Variants in PTPRD observed in about 807,000 individuals in gnomAD.
PTPRD encodes receptor-type tyrosine-protein phosphatase delta.
Under a neutral mutation model 214.5 loss-of-function variants are expected in PTPRD, and 34 were observed. The ratio of observed to expected loss-of-function variants is 0.16; its 90% confidence interval spans 0.12 to 0.21. The LOEUF is 0.21. Among genes scored for constraint, PTPRD ranks in the 10% least tolerant of loss-of-function variants. The pLI, the probability that PTPRD is intolerant of heterozygous loss-of-function variation, is 1.00. For missense variants in PTPRD, 2,545 were observed against 2,398.7 expected (o/e 1.06, Z -1.27); for synonymous variants, 1,128 against 845.7 (o/e 1.33, Z -5.79).
chr9:9,392,594 G>T (rs1006969814), intron 9 of PTPRD, among the ~76,000 whole-genome samples: 1 of 152,044 alleles, frequency 6.6e-6, no homozygotes, highest in Non-Finnish European at 1.5e-5. Flanking sequence ...TGCTACCTTT[G>T]CTGTGACTCT....
intron 11 of PTPRD, among the ~76,000 whole-genome samples, chr9:8,951,523 A>G (rs1446343833): frequency 2.6e-5 from 4 of 151,944 alleles, no homozygotes; most frequent in Admixed American, 6.6e-5. Flanking sequence ...CTACTTTGTT[A>G]CCTAGTAGCT....
At chr9:9,383,433 A>C (rs1415994306) in intron 9 of PTPRD, among the ~76,000 whole-genome samples, 1 of 152,172 alleles carries the variant, frequency 6.6e-6, no homozygotes. Flanking sequence ...TGTGATTTAC[A>C]AAGTACTAAC....
At chr9:10,354,364 T>C (rs575637451) in intron 2 of PTPRD, among the ~76,000 whole-genome samples, 9 of 152,316 alleles carry the variant, frequency 5.9e-5, no homozygotes, top group South Asian at 2.1e-4. Flanking sequence ...TTTAGGATTT[T>C]CTAATTTCTG....
chr9:10,108,870 G>GTTT (rs373928700), intron 3 of PTPRD, among the ~76,000 whole-genome samples: 4 of 146,262 alleles, frequency 2.7e-5, no homozygotes, highest in Non-Finnish European at 4.5e-5. Flanking sequence ...CGTAAAGAGG[G>GTTT]TTTTTTTTTT....
chr9:9,679,656 T>C (rs189439196), intron 7 of PTPRD, among the ~76,000 whole-genome samples: 70 of 152,002 alleles, frequency 4.6e-4, no homozygotes, highest in African/African-American at 1.6e-3. Flanking sequence ...CAGGTCAAAG[T>C]AGCTGGGTGC....
chr9:8,430,892 A>T (rs2381797), intron 35 of PTPRD, among the ~76,000 whole-genome samples: 24,645 of 152,102 alleles, frequency 0.16, 2,338 homozygotes, highest in Non-Finnish European at 0.21. Flanking sequence ...AGCACTTAAG[A>T]TTACCTCCTT....
chr9:9,982,445 A>G (rs2154067697), intron 4 of PTPRD, among the ~76,000 whole-genome samples: 1 of 127,250 alleles, frequency 7.9e-6, no homozygotes, highest in East Asian at 2.5e-4. Context: ...GTGGGTACAT[A>G]GATACATATA....
intron 3 of PTPRD, among the ~76,000 whole-genome samples, chr9:10,211,475 A>G (rs920649418): frequency 6.6e-6 from 1 of 152,136 alleles, no homozygotes. Context: ...TGAAGCTGTG[A>G]GGCATAACAT....
At chr9:10,015,367 A>G (rs1370972664) in intron 4 of PTPRD, among the ~76,000 whole-genome samples, 1 of 152,032 alleles carries the variant, frequency 6.6e-6, no homozygotes, top group Non-Finnish European at 1.5e-5. Flanking sequence ...TGGCAGTAAG[A>G]CAAGATTATC....
At chr9:8,480,873 G>T (rs2096867132) in intron 30 of PTPRD, among the ~76,000 whole-genome samples, 1 of 152,138 alleles carries the variant, frequency 6.6e-6, no homozygotes, top group African/African-American at 2.4e-5. Context: ...GGGCGCCGTG[G>T]CTCACGCCTG....
chr9:10,479,662 C>CACATAAATACATAAATAAAT (rs1296695008), intron 2 of PTPRD, among the ~76,000 whole-genome samples: 8 of 52,596 alleles, frequency 1.5e-4, no homozygotes, highest in Admixed American at 1.1e-3. Flanking sequence ...AATAAATAAA[C>CACATAAATACATAAATAAAT]AAAAATACAA....
intron 2 of PTPRD, among the ~76,000 whole-genome samples, chr9:10,473,440 T>C (rs767757669): frequency 2.6e-5 from 4 of 152,104 alleles, no homozygotes; most frequent in Non-Finnish European, 5.9e-5. Context: ...ATAGTGAACT[T>C]GGAAGAAGAG....
intron 9 of PTPRD, among the ~76,000 whole-genome samples, chr9:9,279,879 T>C (rs1194857154): frequency 6.6e-6 from 1 of 151,210 alleles, no homozygotes; most frequent in Admixed American, 6.6e-5. Context: ...TAAAATTCAC[T>C]CACGCCACTC....
At chr9:10,467,243 G>C (rs1173955488) in intron 2 of PTPRD, among the ~76,000 whole-genome samples, 1 of 152,208 alleles carries the variant, frequency 6.6e-6, no homozygotes, top group Non-Finnish European at 1.5e-5. Context: ...TGGGATGTTA[G>C]ATCTGGCATC....
chr9:8,606,527 T>C (rs1024555437), intron 14 of PTPRD, among the ~76,000 whole-genome samples: 2 of 152,190 alleles, frequency 1.3e-5, no homozygotes, highest in African/African-American at 4.8e-5. Context: ...AAGTTTTCAA[T>C]TTATTTCCAG....
intron 45 of PTPRD, among the ~76,000 whole-genome samples, chr9:8,319,415 T>C (rs1049153436): frequency 1.3e-5 from 2 of 152,028 alleles, no homozygotes; most frequent in Non-Finnish European, 2.9e-5. Flanking sequence ...ACATGAAATA[T>C]AGAAGAGCTG....
intron 8 of PTPRD, among the ~76,000 whole-genome samples, chr9:9,536,926 A>G (rs1591035418): frequency 6.6e-6 from 1 of 152,036 alleles, no homozygotes; most frequent in Non-Finnish European, 1.5e-5. Flanking sequence ...AGGGTAGTGT[A>G]GTGTAGAGTA....
chr9:8,649,594 T>C (rs1042584198), intron 12 of PTPRD, among the ~76,000 whole-genome samples: 1 of 152,182 alleles, frequency 6.6e-6, no homozygotes, highest in Non-Finnish European at 1.5e-5. Context: ...ACTGGAGAAA[T>C]GTAGAAGTGT....
chr9:9,834,344 A>G (rs2056068100), intron 5 of PTPRD, among the ~76,000 whole-genome samples: 1 of 152,100 alleles, frequency 6.6e-6, no homozygotes, highest in Non-Finnish European at 1.5e-5. Context: ...AAAAAAGCCC[A>G]GATCTACCAT....
Sources: allele counts gnomAD v4.1 joint callset (sites outside exome capture counted in the v4.1 genomes callset), GRCh38; gene constraint gnomAD v4.1.1; transcripts MANE v1.5; gene names NCBI Gene and HGNC (gene_info 2026-07-23, HGNC 2026-07-21).